Variants in SH2D4B observed in about 807,000 individuals in gnomAD.
The protein encoded by SH2D4B is SH2 domain containing 4B.
SH2D4B carries 45 observed loss-of-function variants against 61.5 expected under a neutral mutation model. That is an observed-to-expected ratio of 0.73 (90% CI 0.58 to 0.94). SH2D4B has a LOEUF of 0.94. SH2D4B is among the 40% of genes least tolerant of loss of function. The probability of loss-of-function intolerance (pLI) is 0.00; values close to 1 mark genes in which losing one functional copy is unlikely to be tolerated. For missense variants in SH2D4B, 572 were observed against 574.2 expected (o/e 1.00, Z 0.04); for synonymous variants, 224 against 220.4 (o/e 1.02, Z -0.14).
At chr10:80,614,571 A>G (rs1198108689) in intron 6 of SH2D4B, among the ~76,000 whole-genome samples, 1 of 152,262 alleles carries the variant, frequency 6.6e-6, no homozygotes, top group African/African-American at 2.4e-5. Context: ...TCACTTTAGT[A>G]GAAGAAAGAG....
chr10:80,548,781 A>G (rs1199474578), intron 1 of SH2D4B, among the ~76,000 whole-genome samples: 1 of 152,102 alleles, frequency 6.6e-6, no homozygotes, highest in Non-Finnish European at 1.5e-5. Flanking sequence ...TGCTAGCCCT[A>G]GTCTATGGGA....
intron 6 of SH2D4B, among the ~76,000 whole-genome samples, chr10:80,627,051 A>T (rs1445122294): frequency 6.6e-6 from 1 of 152,188 alleles, no homozygotes; most frequent in Non-Finnish European, 1.5e-5. Flanking sequence ...GATCGTGCCT[A>T]ATGCTGGCTG....
chr10:80,596,037 G>C (rs1292373847), intron 4 of SH2D4B, among the ~76,000 whole-genome samples: 1 of 152,216 alleles, frequency 6.6e-6, no homozygotes, highest in Non-Finnish European at 1.5e-5. Context: ...CCTTTTCTCT[G>C]TTGACCTCTT....
At chr10:80,561,481 A>G (rs1841901744) in intron 1 of SH2D4B, among the ~76,000 whole-genome samples, 1 of 152,244 alleles carries the variant, frequency 6.6e-6, no homozygotes, top group African/African-American at 2.4e-5. Flanking sequence ...GTAATGTTGC[A>G]AAATTATGCA....
chr10:80,635,573 C>T (rs7903153), intron 7 of SH2D4B, among the ~76,000 whole-genome samples: 1,634 of 152,234 alleles, frequency 0.011, 29 homozygotes, highest in African/African-American at 0.037. Flanking sequence ...CACAGATACT[C>T]GGGCACTGAG....
intron 1 of SH2D4B, among the ~76,000 whole-genome samples, chr10:80,566,297 CT>C (rs75474550): frequency 0.048 from 6,210 of 130,366 alleles, 350 homozygotes; most frequent in African/African-American, 0.16. Flanking sequence ...AGATCAATTT[CT>C]TTTTTTTTTT....
In SH2D4B at chr10:80,616,115, G is replaced by A. The variant is rs375082966; in HGVS notation, c.988+6564G>A. Among the ~76,000 whole-genome samples the A allele has an allele frequency of 4.1e-4, 62 of 152,176 alleles. 1 individual carries two copies. Among genetic ancestry groups the A allele is most frequent in the East Asian group, 3.5e-3 (18 of 5,186 alleles). ...ACTGATTTAGCCTTCCAAAAAAAAA[G>A]TGCAAGTCTGAATTTTCTTCTATTA... On this transcript the variant is annotated intron_variant, in intron 6 of 7. Transcript: ENST00000646907.
chr10:80,553,261 T>C (rs1841785591), intron 1 of SH2D4B, among the ~76,000 whole-genome samples: 1 of 152,194 alleles, frequency 6.6e-6, no homozygotes, highest in Admixed American at 6.5e-5. Context: ...GTGTGCTTTT[T>C]TTCTGGGCAC....
chr10:80,570,351 G>C (rs1375856593), intron 2 of SH2D4B, 35 bp downstream of exon 2: 1 of 1,607,960 alleles, frequency 6.2e-7, no homozygotes, highest in East Asian at 2.2e-5. Context: ...GTGGGGCCTA[G>C]GCATGGAAGC....
chr10:80,588,760 G>T lies in SH2D4B; in HGVS notation c.626G>T (p.Arg209Leu). The change falls in exon 4 of 8, where the codon CGA (arginine) becomes CTA (leucine). Residue 209 changes from arginine to leucine, a missense_variant. Transcript: ENST00000646907. ...TGCCAAGCCAGTGAGAAAGAGGAGCGAGAGTGGGAAGAACAGTGTGAGTAG... is the reference window on the plus strand; with the variant it reads ...TGCCAAGCCAGTGAGAAAGAGGAGCTAGAGTGGGAAGAACAGTGTGAGTAG... The part of the protein sequence containing the change: ...LHCQASEKEE[R>L]EWEEQLRRSK... The T allele has an allele frequency of 6.2e-7, 1 of 1,614,028 alleles. No individual in the cohort carries two copies. Among genetic ancestry groups the T allele is most frequent in the African/African-American group, 1.3e-5 (1 of 75,046 alleles).
chr10:80,605,392 G>T (rs1461579715), intron 5 of SH2D4B, among the ~76,000 whole-genome samples: 1 of 152,044 alleles, frequency 6.6e-6, no homozygotes, highest in Admixed American at 6.5e-5. Flanking sequence ...ACATATTAGG[G>T]AAGAGGATTC....
chr10:80,625,789 G>T (rs1564528813), intron 6 of SH2D4B, among the ~76,000 whole-genome samples: 1 of 151,772 alleles, frequency 6.6e-6, no homozygotes, highest in South Asian at 2.1e-4. Context: ...GGCCAGGCTG[G>T]TCTCAATCTC....
chr10:80,611,786 CTT>C (rs79594293), intron 6 of SH2D4B, among the ~76,000 whole-genome samples: 2 of 144,454 alleles, frequency 1.4e-5, no homozygotes, highest in Admixed American at 6.9e-5. Context: ...TCTTTTTTGA[CTT>C]TTTTTTTTTT....
chr10:80,636,854 G>A (rs1359307973), intron 7 of SH2D4B, among the ~76,000 whole-genome samples: 2 of 152,278 alleles, frequency 1.3e-5, no homozygotes, highest in South Asian at 2.1e-4. Flanking sequence ...TAGTCATGAA[G>A]TCCTTGCCCA....
At chr10:80,585,855 C>T (rs1280514893) in intron 3 of SH2D4B, among the ~76,000 whole-genome samples, 2 of 152,038 alleles carry the variant, frequency 1.3e-5, no homozygotes, top group Non-Finnish European at 2.9e-5. Context: ...CCGGCTCCTT[C>T]AGCTTGCAGG....
At chr10:80,633,837 A>T (rs987521111) in intron 6 of SH2D4B, among the ~76,000 whole-genome samples, 1 of 152,192 alleles carries the variant, frequency 6.6e-6, no homozygotes, top group Admixed American at 6.5e-5. Flanking sequence ...TTAGGTGCTT[A>T]TTTATGGTAC....
chr10:80,604,176 G>A (rs541334969), intron 5 of SH2D4B, among the ~76,000 whole-genome samples: 1 of 152,308 alleles, frequency 6.6e-6, no homozygotes, highest in African/African-American at 2.4e-5. Flanking sequence ...AAGCATGGCC[G>A]GGCAGCCTGG....
chr10:80,548,352 TG>T (rs1202239925), intron 1 of SH2D4B, among the ~76,000 whole-genome samples: 1 of 152,140 alleles, frequency 6.6e-6, no homozygotes. Context: ...TTAGCAGAGA[TG>T]GGGTTTCACT....
rs1356906439 is a variant in SH2D4B, at chr10:80,597,555, A to G, written c.644-6024A>G. Among the ~76,000 whole-genome samples, 3 of 152,172 alleles carry G rather than the reference A, an allele frequency of 2.0e-5. No homozygotes were observed. The East Asian group carries it at 5.8e-4, about 29-fold the overall frequency. The stretch of plus-strand genomic sequence containing the variant: ...GCGGTGTGCACCTGTAATCCTAGCT[A>G]CTTGGGAGGCTGAGGCAGGAGAATC... On this transcript the variant is annotated intron_variant, in intron 4 of 7. Transcript: ENST00000646907.
Sources: allele counts gnomAD v4.1 joint callset (sites outside exome capture counted in the v4.1 genomes callset), GRCh38; gene constraint gnomAD v4.1.1; transcripts MANE v1.5; gene names NCBI Gene and HGNC (gene_info 2026-07-23, HGNC 2026-07-21).